The following BCL7A variants were observed in gnomAD, a reference collection of about 807,000 sequenced individuals.
The protein encoded by BCL7A is BAF chromatin remodeling complex subunit BCL7A.
A neutral mutation model predicts 28.4 loss-of-function variants in BCL7A; 11 were observed. That is an observed-to-expected ratio of 0.39 (90% CI 0.24 to 0.64). The LOEUF (loss-of-function observed/expected upper bound fraction) is 0.64, where lower values mean the gene tolerates loss of function less well. Among genes scored for constraint, BCL7A ranks in the 30% least tolerant of loss-of-function variants. The probability of loss-of-function intolerance (pLI) is 0.50; values close to 1 mark genes in which losing one functional copy is unlikely to be tolerated. For missense variants in BCL7A, 222 were observed against 274.8 expected, an observed-to-expected ratio of 0.81 and a Z score of 1.36; for synonymous variants, 123 against 103.3, an observed-to-expected ratio of 1.19 and a Z score of -1.15.
chr12:122,037,160 C>G (rs1883872986), intron 3 of BCL7A, among the ~76,000 whole-genome samples: 1 of 152,356 alleles, frequency 6.6e-6, no homozygotes, highest in East Asian at 1.9e-4. Flanking sequence ...GAGCCGCCTT[C>G]CCTTAGCAAG....
intron 4 of BCL7A, 109 bp downstream of exon 4, chr12:122,044,162 G>A: frequency 7.6e-7 from 1 of 1,321,132 alleles, no homozygotes; most frequent in Non-Finnish European, 1.0e-6. Flanking sequence ...CCCCAGCAAG[G>A]AGACAGTAAA....
intron 4 of BCL7A, among the ~76,000 whole-genome samples, chr12:122,050,061 C>A (rs1177961670): frequency 6.6e-6 from 1 of 152,338 alleles, no homozygotes; most frequent in African/African-American, 2.4e-5. Flanking sequence ...TGCAACCTCT[C>A]TGCCTCCCGG....
chr12:122,037,206 T>C (rs1227878429), intron 3 of BCL7A, among the ~76,000 whole-genome samples: 3 of 152,210 alleles, frequency 2.0e-5, no homozygotes, highest in Non-Finnish European at 4.4e-5. Context: ...GCTCACCCAC[T>C]GCCTCTTTGT....
At position 122,022,527 on chromosome 12, in the gene BCL7A, C is replaced by T. The variant is rs1593019339; in HGVS notation, c.92+344C>T. On this transcript the variant is annotated intron_variant, in intron 1 of 5. Coordinates refer to ENST00000261822, the MANE Select transcript of BCL7A (RefSeq NM_001024808.3). The stretch of plus-strand genomic sequence containing the variant: ...GGGGGCTCGGGGCCGGCCCCAGAAG[C>T]CATTTCGTTTTGTGCAAGTCACATG... Among the ~76,000 whole-genome samples, 6 of 142,472 alleles carry T rather than the reference C, an allele frequency of 4.2e-5. No homozygotes were observed. The South Asian group carries it at 6.5e-4, about 15-fold the overall frequency. The allele number at this position is 142,472 out of a possible 152,430, so 93.5% of individuals were successfully genotyped here.
intron 4 of BCL7A, among the ~76,000 whole-genome samples, chr12:122,044,786 A>G (rs1386902866): frequency 6.6e-6 from 1 of 150,376 alleles, no homozygotes; most frequent in African/African-American, 2.5e-5. Flanking sequence ...TGATCACACA[A>G]CTGAACTCCA....
chr12:122,038,431 C>CAAAA lies in BCL7A; in HGVS notation c.271+3029_271+3032dup, dbSNP rs56376395. Among the ~76,000 whole-genome samples the CAAAA allele has an allele frequency of 5.2e-3, 176 of 33,542 alleles. 19 individuals carry two copies. The highest frequency in any genetic ancestry group is 0.01 in the African/African-American group (140 of 13,528). The allele number at this position is 33,542 out of a possible 152,430, so 22.0% of individuals were successfully genotyped here. On this transcript the variant is annotated intron_variant, in intron 3 of 5. Coordinates refer to ENST00000261822, the MANE Select transcript of BCL7A (RefSeq NM_001024808.3). ...TGGGCAAAGGAGCGAGACTCTGCCT[C>CAAAA]AAAAAAAAAAAAAAAAAAAAAAAAA...
Position 122,054,882 on chromosome 12 carries a change from T to A in BCL7A, c.517T>A (p.Ser173Thr). 3 of 1,614,096 alleles carry A rather than the reference T, an allele frequency of 1.9e-6. No homozygotes were observed. Among genetic ancestry groups the A allele is most frequent in the Non-Finnish European group, 2.5e-6 (3 of 1,180,022 alleles). ...NSSEKVDRQP[S>T]GDSGLAAETS... is the part of the protein sequence containing the mutation. ...CTCAGAGAAAGTAGATCGGCAGCCG[T>A]CTGGAGACTCGGGTCTGGCCGCAGA... The change falls in exon 5 of 6, where the codon TCT (serine) becomes ACT (threonine). Residue 173 changes from serine (S) to threonine (T), a missense_variant. By Grantham distance (58) the Ser-to-Thr change is moderately conservative. Around this residue, in one of 2 missense-constraint regions of BCL7A, gnomAD observed 155 missense variants for 145.7 expected, o/e 1.06. Transcript: ENST00000261822.
chr12:122,032,989 T>C lies in BCL7A; in HGVS notation c.174+2208T>C, dbSNP rs148312663. On this transcript the variant is annotated intron_variant, in intron 2 of 5. Coordinates refer to ENST00000261822, the MANE Select transcript of BCL7A (RefSeq NM_001024808.3). ...TGCCTTGTGGAGGGAGAGCTTTTTA[T>C]TGTTTTAAACACTCAGTATCTATAT... is the stretch of plus-strand genomic sequence containing the variant. Among the ~76,000 whole-genome samples the C allele has an allele frequency of 1.6e-3, 238 of 152,344 alleles. 1 individual carries two copies. In the Middle Eastern group the frequency reaches 0.017, roughly 11 times the overall value.
At chr12:122,031,047 TAC>T (rs1227508404) in intron 2 of BCL7A, among the ~76,000 whole-genome samples, 3 of 152,140 alleles carry the variant, frequency 2.0e-5, no homozygotes, top group East Asian at 3.9e-4. Context: ...TTCTTTTTGA[TAC>T]AGAGTCTCAC....
At chr12:122,025,512 A>G (rs1023914360) in intron 1 of BCL7A, among the ~76,000 whole-genome samples, 2 of 152,008 alleles carry the variant, frequency 1.3e-5, no homozygotes, top group South Asian at 4.2e-4. Context: ...CTGTAGTCCC[A>G]GCTACTTGGG....
intron 1 of BCL7A, among the ~76,000 whole-genome samples, chr12:122,022,720 G>C (rs1279996976): frequency 6.7e-6 from 1 of 149,434 alleles, no homozygotes; most frequent in East Asian, 2.0e-4. Context: ...GCCCGCTCCC[G>C]CCTCCCGGGC....
In BCL7A at chr12:122,043,877, C is replaced by T; in HGVS notation, c.272-9C>T. On this transcript the variant is annotated splice_polypyrimidine_tract_variant and intron_variant, in intron 3 of 5. Transcript: ENST00000261822. ...TTTCATCCTGTGGTTCTGTTCCCAC[C>T]CCCTACAGACGATAACAGCAACCAG... 6.2e-7 allele frequency: 1 copy of T among 1,607,310 alleles called. No individual in the cohort carries two copies. The highest frequency in any genetic ancestry group is 8.5e-7 in the Non-Finnish European group (1 of 1,176,644).
intron 4 of BCL7A, among the ~76,000 whole-genome samples, chr12:122,048,889 C>T (rs867255941): frequency 2.6e-4 from 40 of 151,268 alleles, no homozygotes; most frequent in African/African-American, 7.3e-4. Context: ...GGTGTGGTGG[C>T]GAGCACCTGT....
chr12:122,054,708 A>T, intron 4 of BCL7A, 97 bp from the exon 5 acceptor site: 1 of 1,315,748 alleles, frequency 7.6e-7, no homozygotes. Context: ...CACTGGCCCC[A>T]AAACTACCCG....
At chr12:122,041,640 T>G (rs1271507669) in intron 3 of BCL7A, among the ~76,000 whole-genome samples, 1 of 152,214 alleles carries the variant, frequency 6.6e-6, no homozygotes, top group African/African-American at 2.4e-5. Context: ...GGCACATGCC[T>G]GTGGCCCCAG....
intron 1 of BCL7A, among the ~76,000 whole-genome samples, chr12:122,025,377 G>A (rs530484218): frequency 2.0e-5 from 3 of 152,240 alleles, no homozygotes; most frequent in South Asian, 2.1e-4. Flanking sequence ...TGTAATTTCA[G>A]CACTCTGGGA....
At chr12:122,044,386 T>C (rs1455226890) in intron 4 of BCL7A, 3 of 229,506 alleles carry the variant, frequency 1.3e-5, no homozygotes, top group Middle Eastern at 1.4e-3. Flanking sequence ...CACACACCTG[T>C]GATCCAGCTA....
At chr12:122,023,218 C>G (rs1021899895) in intron 1 of BCL7A, among the ~76,000 whole-genome samples, 1 of 152,200 alleles carries the variant, frequency 6.6e-6, no homozygotes, top group Non-Finnish European at 1.5e-5. Flanking sequence ...TTGTTGAAAA[C>G]TCCCCGCTGC....
chr12:122,022,060 C>A lies in BCL7A; in HGVS notation c.-32C>A. On this transcript the variant is annotated 5_prime_UTR_variant, in exon 1 of 6. Coordinates refer to ENST00000261822, the MANE Select transcript of BCL7A (RefSeq NM_001024808.3). ...GAGCGCGAGCAGGACCCGGCGGGCG[C>A]GCTCCCCAGCCTCCGTCTCCCCGCC... 6.6e-7 allele frequency: 1 copy of A among 1,524,284 alleles called. No homozygotes were observed. Among genetic ancestry groups the A allele is most frequent in the South Asian group, 1.2e-5 (1 of 84,734 alleles). The allele number at this position is 1,524,284 out of a possible 1,614,324, so 94.4% of individuals were successfully genotyped here. A position where few individuals can be genotyped will look rare whatever the true frequency, so the allele number is the denominator to read the frequency against.
Sources: gnomAD v4.1 joint callset for allele counts (sites outside exome capture counted in the v4.1 genomes callset) on GRCh38, gnomAD v4.1.1 for gene constraint, gnomAD v4.1.1 regional missense constraint, MANE v1.5 for transcripts, NCBI Gene and HGNC (gene_info 2026-07-23, HGNC 2026-07-21) for gene names.